ST7L: variants seen among roughly 807,000 people sequenced by gnomAD.
ST7L encodes the protein suppressor of tumorigenicity 7 protein-like.
In ST7L, 57 loss-of-function variants were observed where a neutral mutation model predicts 72.5. The observed-to-expected ratio is 0.79, with a 90% CI of 0.64 to 0.98. The LOEUF is 0.98. ST7L is among the 50% of genes least tolerant of loss of function. The pLI is 0.00. For missense variants in ST7L, 576 were observed against 672.2 expected, an observed-to-expected ratio of 0.86 and a Z score of 1.58; for synonymous variants, 221 against 240.9, an observed-to-expected ratio of 0.92 and a Z score of 0.77.
At chr1:112,520,533 C>CT (rs1211785078), downstream of ST7L, 1 of 1,608,764 alleles carries the variant, frequency 6.2e-7, no homozygotes, top group South Asian at 1.1e-5. Flanking sequence ...TCACTCATCC[C>CT]TCCAATTCAA....
intron 14 of ST7L, chr1:112,528,782 A>G (rs569433808): frequency 6.6e-6 from 1 of 152,332 alleles, no homozygotes; most frequent in East Asian, 1.9e-4. Context: ...GGTATATTGA[A>G]TTTTTGCAGC....
At chr1:112,579,456 A>G (rs905492895) in intron 9 of ST7L, among the ~76,000 whole-genome samples, 2 of 151,720 alleles carry the variant, frequency 1.3e-5, no homozygotes, top group Non-Finnish European at 2.9e-5. Context: ...TGGTATAATT[A>G]GAACTATGTA....
intron 11 of ST7L, among the ~76,000 whole-genome samples, chr1:112,570,568 T>TAC (rs199676111): frequency 2.7e-3 from 396 of 144,846 alleles, no homozygotes; most frequent in African/African-American, 9.5e-3. Context: ...TATATATATA[T>TAC]ATACACACAC....
intron 14 of ST7L, chr1:112,529,338 T>C (rs1456053827): frequency 6.6e-6 from 1 of 152,190 alleles, no homozygotes; most frequent in African/African-American, 2.4e-5. Flanking sequence ...AGGTAGTTTA[T>C]AAAGGGTGAT....
At chr1:112,600,468 T>G (rs1156865353) in intron 4 of ST7L, among the ~76,000 whole-genome samples, 2 of 152,096 alleles carry the variant, frequency 1.3e-5, no homozygotes, top group Non-Finnish European at 2.9e-5. Context: ...TGGTGGCATG[T>G]GCCTATAGTC....
At chr1:112,578,252 G>A in intron 10 of ST7L, 93 bp downstream of exon 10, 1 of 1,225,226 alleles carries the variant, frequency 8.2e-7, no homozygotes, top group South Asian at 1.2e-5. Flanking sequence ...AGGAAGTAGA[G>A]TGGAAAACAG....
In ST7L at chr1:112,616,945, C is replaced by G. The variant is rs1367320660; in HGVS notation, c.206-50G>C. Reference sequence around the variant, plus strand: ...TTTTAAAAAATGCAAATTTAAAGTACTTAGGTTACAAATATGCAAGTATCT... The same window carrying G: ...TTTTAAAAAATGCAAATTTAAAGTAGTTAGGTTACAAATATGCAAGTATCT... On this transcript the variant is annotated intron_variant, in intron 1 of 14. Transcript: ENST00000358039. The G allele has an allele frequency of 1.5e-5, 19 of 1,294,594 alleles. No homozygotes were observed. In the Admixed American group the frequency reaches 3.8e-4, roughly 26 times the overall value. The allele number at this position is 1,294,594 out of a possible 1,614,324, so 80.2% of individuals were successfully genotyped here.
intron 14 of ST7L, chr1:112,540,400 C>G (rs1655917873): frequency 1.0e-6 from 1 of 985,320 alleles, no homozygotes; most frequent in Admixed American, 6.1e-5. Context: ...TGCACTCACT[C>G]AACTATTAGC....
At chr1:112,591,624 A>G (rs1359828325) in intron 5 of ST7L, 21 bp from the exon 6 acceptor site, 1 of 1,588,824 alleles carries the variant, frequency 6.3e-7, no homozygotes, top group East Asian at 2.3e-5. Flanking sequence ...AAATTCCATA[A>G]AATAGATGAG....
intron 14 of ST7L, chr1:112,540,318 T>C: frequency 1.0e-6 from 1 of 985,438 alleles, no homozygotes; most frequent in Non-Finnish European, 1.2e-6. Flanking sequence ...AGCTATTAAA[T>C]GGATGGAATT....
intron 14 of ST7L, chr1:112,528,778 T>C (rs757488879): frequency 6.6e-5 from 10 of 152,198 alleles, no homozygotes; most frequent in Non-Finnish European, 8.8e-5. Flanking sequence ...ACTTGGTATA[T>C]TGAATTTTTG....
chr1:112,534,198 G>C (rs987271396), intron 14 of ST7L, among the ~76,000 whole-genome samples: 1 of 152,104 alleles, frequency 6.6e-6, no homozygotes, highest in South Asian at 2.1e-4. Flanking sequence ...GCAAGCCACT[G>C]GATATCACCA....
chr1:112,573,630 T>C (rs973964985), intron 11 of ST7L, among the ~76,000 whole-genome samples: 12 of 152,032 alleles, frequency 7.9e-5, no homozygotes, highest in African/African-American at 2.7e-4. Flanking sequence ...AAGAATCAGA[T>C]GGCTTTAATA....
At chr1:112,533,004 C>T (rs1283158401) in intron 14 of ST7L, among the ~76,000 whole-genome samples, 1 of 152,200 alleles carries the variant, frequency 6.6e-6, no homozygotes, top group Non-Finnish European at 1.5e-5. Flanking sequence ...CTTTCCCCTA[C>T]AATCCTTCAC....
intron 11 of ST7L, among the ~76,000 whole-genome samples, chr1:112,566,485 G>C (rs1474154480): frequency 6.6e-6 from 1 of 151,756 alleles, no homozygotes; most frequent in East Asian, 1.9e-4. Flanking sequence ...TTTTAGTCGA[G>C]ATGGGGTTTC....
At chr1:112,544,513 G>A (rs544681069) in intron 13 of ST7L, among the ~76,000 whole-genome samples, 1 of 152,292 alleles carries the variant, frequency 6.6e-6, no homozygotes, top group South Asian at 2.1e-4. Flanking sequence ...GAACCAGTCA[G>A]CAATCCCCTT....
chr1:112,556,012 A>C lies in ST7L; in HGVS notation c.1252T>G (p.Leu418Val), dbSNP rs1313040988. Residue 418 changes from leucine (L) to valine (V), a missense_variant, in exon 12 of 15, where the codon TTA becomes GTA. Leu to Val is a conservative substitution (Grantham distance 32). Around this residue, in one of 3 missense-constraint regions of ST7L, gnomAD observed 511 missense variants for 600.7 expected, o/e 0.85. Coordinates refer to ENST00000358039, the MANE Select transcript of ST7L (RefSeq NM_017744.5). ...GGTAAAATTAAACTTTTCATCTCTA[A>C]TAAATACTGAAAGAGTAACACACAG... ...EFNPHVPKYLLEMKSLILPPE... is the reference protein window; with the variant it reads ...EFNPHVPKYLVEMKSLILPPE... 6.3e-7 allele frequency: 1 copy of C among 1,598,170 alleles called. No individual in the cohort carries two copies. Among genetic ancestry groups the C allele is most frequent in the Admixed American group, 1.7e-5 (1 of 57,490 alleles).
At chr1:112,619,225 C>T (rs1189161018), upstream of ST7L, 3 of 998,332 alleles carry the variant, frequency 3.0e-6, no homozygotes, top group African/African-American at 4.8e-5. Context: ...AAGGCTGAGT[C>T]CTGGGGAACC....
At chr1:112,557,076 A>T (rs1659325317) in intron 11 of ST7L, among the ~76,000 whole-genome samples, 1 of 152,080 alleles carries the variant, frequency 6.6e-6, no homozygotes, top group Non-Finnish European at 1.5e-5. Context: ...TAGTTTTTAA[A>T]TAACAGCCTT....
Sources: allele counts gnomAD v4.1 joint callset (sites outside exome capture counted in the v4.1 genomes callset), GRCh38; gene constraint gnomAD v4.1.1; regional missense constraint gnomAD v4.1.1; transcripts MANE v1.5; gene names NCBI Gene and HGNC (gene_info 2026-07-23, HGNC 2026-07-21).